The following NFASC variants were observed in gnomAD, a reference collection of about 807,000 sequenced individuals.
The protein encoded by NFASC is neurofascin.
Under a neutral mutation model 147.5 loss-of-function variants are expected in NFASC, and 43 were observed. That is an observed-to-expected ratio of 0.29 (90% CI 0.23 to 0.38). The LOEUF is 0.38. Among genes scored for constraint, NFASC ranks in the 10% least tolerant of loss-of-function variants. The probability of loss-of-function intolerance (pLI) is 1.00; values close to 1 mark genes in which losing one functional copy is unlikely to be tolerated. For synonymous variants in NFASC, 622 were observed against 665.5 expected, an observed-to-expected ratio of 0.93 and a Z score of 1.01; for missense variants, 1,320 against 1,689.0, an observed-to-expected ratio of 0.78 and a Z score of 3.83.
chr1:204,985,862 C>T, intron 21 of NFASC: 5 of 1,324,402 alleles, frequency 3.8e-6, no homozygotes, highest in Non-Finnish European at 5.4e-6. Context: ...TAACAACTAA[C>T]CCAGCCCTGC....
chr1:204,906,832 C>T (rs1439580619), intron 1 of NFASC, among the ~76,000 whole-genome samples: 13 of 152,178 alleles, frequency 8.5e-5, no homozygotes, highest in Admixed American at 2.0e-4. Flanking sequence ...TACAGGCACC[C>T]GCCACCCTGC....
chr1:204,871,214 G>A (rs1396935274), intron 1 of NFASC: 7 of 797,420 alleles, frequency 8.8e-6, no homozygotes, highest in Non-Finnish European at 1.2e-5. Flanking sequence ...TGTGCACAAG[G>A]GCTGCAAGAA....
intron 1 of NFASC, among the ~76,000 whole-genome samples, chr1:204,881,418 C>T (rs895754439): frequency 2.0e-5 from 3 of 152,220 alleles, no homozygotes; most frequent in African/African-American, 7.2e-5. Flanking sequence ...ATTGCAATTA[C>T]ATTTGCACCA....
intron 2 of NFASC, among the ~76,000 whole-genome samples, chr1:204,933,700 G>A (rs2092571324): frequency 6.6e-6 from 1 of 151,716 alleles, no homozygotes; most frequent in Non-Finnish European, 1.5e-5. Flanking sequence ...GAGGTCAGGA[G>A]AGGAGAGTTA....
chr1:204,977,259 CGTT>C (rs2095426256), intron 16 of NFASC: 5 of 345,514 alleles, frequency 1.4e-5, no homozygotes, highest in Non-Finnish European at 2.2e-5. Context: ...AGCAAGATGA[CGTT>C]GTGTCTTCCT....
chr1:204,931,655 C>T (rs571297441), intron 2 of NFASC, among the ~76,000 whole-genome samples: 18 of 152,266 alleles, frequency 1.2e-4, no homozygotes, highest in East Asian at 1.9e-4. Flanking sequence ...GAATACCTGA[C>T]GAACTGTTTC....
rs745980171 is a variant in NFASC at position 204,997,321 on chromosome 1, C to T, written c.2934C>T (p.Ala978=). Residue 978 remains alanine (A), a synonymous_variant, in exon 25 of 30, where the codon GCC becomes GCT. Transcript: ENST00000339876. ...PTTIATTTTV[A]TTTTTTAAAT... ...CCATCGCCACCACCACCACCGTCGC[C>T]ACAACTACTACAACCACTGCTGCCG... 18 of 1,581,530 alleles carry T rather than the reference C, an allele frequency of 1.1e-5. No homozygotes were observed. The South Asian group carries it at 1.9e-4, about 17-fold the overall frequency.
chr1:204,849,399 C>T (rs1034859373), intron 1 of NFASC, among the ~76,000 whole-genome samples: 2 of 152,176 alleles, frequency 1.3e-5, no homozygotes, highest in Non-Finnish European at 2.9e-5. Flanking sequence ...CTGTGGTTCT[C>T]ATGCTTTAGC....
chr1:204,927,750 C>CT (rs2091873055), intron 2 of NFASC, among the ~76,000 whole-genome samples: 1 of 152,164 alleles, frequency 6.6e-6, no homozygotes, highest in South Asian at 2.1e-4. Flanking sequence ...GACAGAGCCC[C>CT]TGGAGACAGC....
At position 205,016,482 on chromosome 1, in the gene NFASC, G is replaced by A. The variant is rs1365190658; in HGVS notation, c.3666G>A (p.Glu1222=). ...YTVKKDKEET[E]GNESSEATSP... Reference sequence around the variant, plus strand: ...TCAAAAAGGACAAGGAGGAAACAGAGGGCAACGAAAGCTCAGAGGCCACGT... The same window carrying A: ...TCAAAAAGGACAAGGAGGAAACAGAAGGCAACGAAAGCTCAGAGGCCACGT... Residue 1222 remains glutamate (E), a synonymous_variant, in exon 30 of 30, where the codon GAG becomes GAA. Coordinates refer to ENST00000339876, the MANE Select transcript of NFASC (RefSeq NM_001005388.3). This position sits in a 1 kb window ranked among gnomAD's most constrained non-coding sequence, Gnocchi z 5.1. The A allele has an allele frequency of 4.3e-6, 7 of 1,614,034 alleles. No homozygotes were observed. The highest frequency in any genetic ancestry group is 5.9e-6 in the Non-Finnish European group (7 of 1,180,032).
intron 13 of NFASC, 174 bp downstream of exon 13, chr1:204,974,464 A>C (rs1573994003): frequency 1.2e-6 from 1 of 827,778 alleles, no homozygotes; most frequent in African/African-American, 1.7e-5. Context: ...ATGGGAAACC[A>C]AGACCTTGAG....
At chr1:204,926,561 G>A (rs925494876) in intron 2 of NFASC, among the ~76,000 whole-genome samples, 7 of 149,486 alleles carry the variant, frequency 4.7e-5, no homozygotes, top group Non-Finnish European at 7.4e-5. Flanking sequence ...CCACAGTTGC[G>A]CGCCACCATG....
rs1242212943 is a variant in NFASC at position 205,016,577 on chromosome 1, G to A, written c.*38G>A. 2.7e-6 allele frequency: 4 copies of A among 1,476,104 alleles called. No individual in the cohort carries two copies. Among genetic ancestry groups the A allele is most frequent in the Non-Finnish European group, 3.8e-6 (4 of 1,055,064 alleles). 91.4% of individuals were successfully genotyped at this position (1,476,104 alleles called of 1,614,324 possible). On this transcript the variant is annotated 3_prime_UTR_variant, in exon 30 of 30. Coordinates refer to ENST00000339876, the MANE Select transcript of NFASC (RefSeq NM_001005388.3). This position sits in a 1 kb window ranked among gnomAD's most constrained non-coding sequence, Gnocchi z 5.1. ...AGGCACAGCCACCACTTTGCAAGTG[G>A]GAGGAGGGGAGAAGGGGAGACAAAA...
chr1:204,947,099 G>A (rs576883782), intron 3 of NFASC: 4 of 314,000 alleles, frequency 1.3e-5, no homozygotes, highest in South Asian at 1.1e-4. Flanking sequence ...GCAGAAACAG[G>A]CCCAAAAGAA....
At position 204,968,737 on chromosome 1, in the gene NFASC, A is replaced by G. The variant is rs1170014518; in HGVS notation, c.819-61A>G. 6 of 1,507,374 alleles carry G rather than the reference A, an allele frequency of 4.0e-6. No individual in the cohort carries two copies. The highest frequency in any genetic ancestry group is 5.4e-6 in the Non-Finnish European group (6 of 1,109,390). The allele number at this position is 1,507,374 out of a possible 1,614,324, so 93.4% of individuals were successfully genotyped here. A position where few individuals can be genotyped will look rare whatever the true frequency, so the allele number is the denominator to read the frequency against. Reference sequence around the variant, plus strand: ...AGGCCACCTGGGTGTCCCCAGCTGTATAGAAGAGGAGAAAGGCCACGTTTA... The same window carrying G: ...AGGCCACCTGGGTGTCCCCAGCTGTGTAGAAGAGGAGAAAGGCCACGTTTA... On this transcript the variant is annotated intron_variant, in intron 9 of 29. Transcript: ENST00000339876. This position sits in a 1 kb window ranked among gnomAD's most constrained non-coding sequence, Gnocchi z 5.4.
chr1:204,878,316 C>T (rs2103240344), intron 1 of NFASC, among the ~76,000 whole-genome samples: 1 of 151,968 alleles, frequency 6.6e-6, no homozygotes, highest in African/African-American at 2.4e-5. Flanking sequence ...TCACAAAAGC[C>T]AACACTCTTT....
intron 24 of NFASC, chr1:204,993,653 A>G: frequency 2.3e-6 from 1 of 443,852 alleles, no homozygotes; most frequent in South Asian, 1.6e-5. Flanking sequence ...GCTAACAGAG[A>G]GTCTCTGCCC....
At chr1:204,900,841 T>A (rs371772062) in intron 1 of NFASC, among the ~76,000 whole-genome samples, 1 of 151,866 alleles carries the variant, frequency 6.6e-6, no homozygotes, top group Admixed American at 6.6e-5. Flanking sequence ...GAAAACAGAT[T>A]AGTTTTTTTT....
intron 1 of NFASC, among the ~76,000 whole-genome samples, chr1:204,879,937 T>A (rs540234833): frequency 6.6e-6 from 1 of 152,316 alleles, no homozygotes; most frequent in Admixed American, 6.5e-5. Context: ...TGCTGTGGGC[T>A]CTCGGCTGTG....
Sources: gnomAD v4.1 joint callset for allele counts (sites outside exome capture counted in the v4.1 genomes callset) on GRCh38, gnomAD v4.1.1 for gene constraint, Gnocchi (gnomAD v3.1) non-coding constraint, MANE v1.5 for transcripts, NCBI Gene and HGNC (gene_info 2026-07-23, HGNC 2026-07-21) for gene names.